Variants in KCNQ3 observed in about 807,000 individuals in gnomAD.
KCNQ3 encodes potassium voltage-gated channel subfamily Q member 3.
A neutral mutation model predicts 92.5 loss-of-function variants in KCNQ3; 30 were observed. That is an observed-to-expected ratio of 0.32 (90% CI 0.24 to 0.44). The LOEUF (loss-of-function observed/expected upper bound fraction) is 0.44, where lower values mean the gene tolerates loss of function less well. KCNQ3 is among the 20% of genes least tolerant of loss of function. KCNQ3 has a pLI of 1.00. For missense variants in KCNQ3, 913 were observed against 1,140.3 expected, an observed-to-expected ratio of 0.80 and a Z score of 2.87; for synonymous variants, 450 against 468.8, an observed-to-expected ratio of 0.96 and a Z score of 0.52.
chr8:132,175,260 G>A (rs1173492250), intron 5 of KCNQ3, among the ~76,000 whole-genome samples, 193 bp downstream of exon 5: 1 of 152,242 alleles, frequency 6.6e-6, no homozygotes, highest in Non-Finnish European at 1.5e-5. Flanking sequence ...AAACGCTAGA[G>A]AAAAGTCAAT....
At chr8:132,353,482 G>A (rs1818933637) in intron 1 of KCNQ3, among the ~76,000 whole-genome samples, 1 of 152,222 alleles carries the variant, frequency 6.6e-6, no homozygotes, top group Non-Finnish European at 1.5e-5. Flanking sequence ...GAGGGACTTT[G>A]TGCAAACCTG....
At chr8:132,242,930 A>G (rs1815042003) in intron 1 of KCNQ3, among the ~76,000 whole-genome samples, 1 of 152,230 alleles carries the variant, frequency 6.6e-6, no homozygotes, top group South Asian at 2.1e-4. Flanking sequence ...TCTGGGTTTA[A>G]TGAATTTTAG....
At chr8:132,150,378 CT>C (rs892261094) in intron 9 of KCNQ3, among the ~76,000 whole-genome samples, 24 of 152,212 alleles carry the variant, frequency 1.6e-4, no homozygotes, top group Admixed American at 6.5e-5. Context: ...GATATGTGAG[CT>C]TTTGTGGTTT....
At chr8:132,323,575 A>C (rs1168955482) in intron 1 of KCNQ3, among the ~76,000 whole-genome samples, 3 of 152,188 alleles carry the variant, frequency 2.0e-5, no homozygotes, top group Non-Finnish European at 4.4e-5. Flanking sequence ...CCTGTTTTAG[A>C]AAATGGCCGT....
chr8:132,360,937 C>T (rs1819149252), intron 1 of KCNQ3, among the ~76,000 whole-genome samples: 2 of 152,214 alleles, frequency 1.3e-5, no homozygotes, highest in Non-Finnish European at 2.9e-5. Flanking sequence ...AGCATCACTG[C>T]CCAGGCCCTT....
intron 1 of KCNQ3, among the ~76,000 whole-genome samples, chr8:132,376,187 T>C (rs1819603230): frequency 6.6e-6 from 1 of 152,204 alleles, no homozygotes; most frequent in Admixed American, 6.5e-5. Flanking sequence ...AGAGGCATGC[T>C]TTTTTCTCCC....
At chr8:132,250,447 A>G (rs1815367938) in intron 1 of KCNQ3, among the ~76,000 whole-genome samples, 3 of 152,188 alleles carry the variant, frequency 2.0e-5, no homozygotes, top group Admixed American at 6.5e-5. Flanking sequence ...AAGTTAATGA[A>G]CTAGGAAATA....
intron 9 of KCNQ3, among the ~76,000 whole-genome samples, chr8:132,143,248 T>G (rs1825353450): frequency 6.6e-6 from 1 of 152,044 alleles, no homozygotes; most frequent in Non-Finnish European, 1.5e-5. Flanking sequence ...ATTTTTGGAA[T>G]TGCTTTCCTG....
intron 1 of KCNQ3, among the ~76,000 whole-genome samples, chr8:132,282,974 A>G (rs1320042706): frequency 6.6e-6 from 1 of 152,184 alleles, no homozygotes. Context: ...GGAAGCAGAG[A>G]GAAGCCTGGG....
rs553569324 is a variant in KCNQ3, at chr8:132,200,764, T to C, written c.387-14583A>G. Among the ~76,000 whole-genome samples the C allele has an allele frequency of 1.4e-4, 21 of 152,336 alleles. No individual in the cohort carries two copies. In the East Asian group the frequency reaches 3.5e-3, roughly 25 times the overall value. On this transcript the variant is annotated intron_variant, in intron 1 of 14. Coordinates refer to ENST00000388996, the MANE Select transcript of KCNQ3 (RefSeq NM_004519.4). ...AAACATCTATTTAAGTTTCATGATA[T>C]GTTATCATGCGTTTCTTCCTGACTG...
At chr8:132,380,873 C>T (rs1467985039) in intron 1 of KCNQ3, among the ~76,000 whole-genome samples, 1 of 148,466 alleles carries the variant, frequency 6.7e-6, no homozygotes, top group Non-Finnish European at 1.5e-5. Flanking sequence ...GACCCTATGG[C>T]CAAGGGAGAT....
intron 1 of KCNQ3, among the ~76,000 whole-genome samples, chr8:132,268,510 C>T (rs1347731606): frequency 5.9e-5 from 9 of 152,120 alleles, no homozygotes; most frequent in Non-Finnish European, 1.3e-4. Flanking sequence ...CTGCCTGCCT[C>T]GGTCTCCCAA....
chr8:132,137,642 T>C lies in KCNQ3; in HGVS notation c.1700+243A>G, dbSNP rs1465217438. 2.0e-5 allele frequency among the ~76,000 whole-genome samples: 3 copies of C among 152,194 alleles called. No homozygotes were observed. The East Asian group carries it at 5.8e-4, about 29-fold the overall frequency. On this transcript the variant is annotated intron_variant, in intron 12 of 14. Coordinates refer to ENST00000388996, the MANE Select transcript of KCNQ3 (RefSeq NM_004519.4). Reference sequence around the variant, plus strand: ...AGTCAGAAGCCATTTAAATGTGTGCTTTCTCCTCTCTGACAGGCCTGATCA... The same window carrying C: ...AGTCAGAAGCCATTTAAATGTGTGCCTTCTCCTCTCTGACAGGCCTGATCA...
At chr8:132,355,486 T>C (rs1280557120) in intron 1 of KCNQ3, among the ~76,000 whole-genome samples, 6 of 152,114 alleles carry the variant, frequency 3.9e-5, no homozygotes, top group Non-Finnish European at 5.9e-5. Flanking sequence ...GGGATTGACA[T>C]GTAACCCTGA....
intron 1 of KCNQ3, among the ~76,000 whole-genome samples, chr8:132,247,827 T>C (rs1018921762): frequency 1.3e-5 from 2 of 151,906 alleles, no homozygotes; most frequent in Middle Eastern, 3.4e-3. Flanking sequence ...GAATATTTCA[T>C]TCAGCCTGAT....
chr8:132,194,104 G>A (rs749124610), intron 1 of KCNQ3, among the ~76,000 whole-genome samples: 30 of 152,312 alleles, frequency 2.0e-4, no homozygotes, highest in Middle Eastern at 3.4e-3. Context: ...TGTCCTAGAA[G>A]GTAGCACTAG....
intron 1 of KCNQ3, among the ~76,000 whole-genome samples, chr8:132,398,428 T>A (rs1264974491): frequency 6.6e-6 from 1 of 152,220 alleles, no homozygotes; most frequent in Non-Finnish European, 1.5e-5. Context: ...CTTTTATTTT[T>A]AAGTGGCATT....
At chr8:132,259,479 G>T (rs1404092359) in intron 1 of KCNQ3, among the ~76,000 whole-genome samples, 1 of 151,966 alleles carries the variant, frequency 6.6e-6, no homozygotes, top group Non-Finnish European at 1.5e-5. Flanking sequence ...CAACAAATTA[G>T]AAATAGAAGG....
chr8:132,175,199 A>G (rs1803789255), intron 5 of KCNQ3, among the ~76,000 whole-genome samples: 1 of 152,246 alleles, frequency 6.6e-6, no homozygotes, highest in African/African-American at 2.4e-5. Flanking sequence ...TAATAAGGCT[A>G]AGTCCATAAA....
Sources: allele counts gnomAD v4.1 joint callset (sites outside exome capture counted in the v4.1 genomes callset), GRCh38; gene constraint gnomAD v4.1.1; transcripts MANE v1.5; gene names NCBI Gene and HGNC (gene_info 2026-07-23, HGNC 2026-07-21).